Variants in RBFOX1 observed in about 807,000 individuals in gnomAD.
The protein encoded by RBFOX1 is RNA binding protein fox-1 homolog 1.
Under a neutral mutation model 57.7 loss-of-function variants are expected in RBFOX1, and 8 were observed. That is an observed-to-expected ratio of 0.14 (90% CI 0.08 to 0.25). The LOEUF is 0.25. RBFOX1 is among the 10% of genes least tolerant of loss of function. The pLI is 1.00. For missense variants in RBFOX1, 611 were observed against 548.5 expected (o/e 1.11, Z -1.14); for synonymous variants, 326 against 222.4 (o/e 1.47, Z -4.15).
chr16:6,994,914 C>T (rs2092026458), intron 3 of RBFOX1, among the ~76,000 whole-genome samples: 1 of 151,608 alleles, frequency 6.6e-6, no homozygotes, highest in Non-Finnish European at 1.5e-5. Context: ...CAGAACATAT[C>T]CCTGATTGGG....
At chr16:6,802,240 C>A (rs377175803) in intron 3 of RBFOX1, among the ~76,000 whole-genome samples, 3 of 152,080 alleles carry the variant, frequency 2.0e-5, no homozygotes, top group Non-Finnish European at 2.9e-5. Flanking sequence ...TTAACTTAAC[C>A]ACTCAGTCAG....
intron 1 of RBFOX1, among the ~76,000 whole-genome samples, chr16:6,126,647 T>C (rs1459659245): frequency 1.3e-5 from 2 of 152,136 alleles, no homozygotes; most frequent in Admixed American, 1.3e-4. Context: ...TTACTTAATA[T>C]GTATATTCTG....
At chr16:6,390,409 G>A (rs1413118145) in intron 2 of RBFOX1, among the ~76,000 whole-genome samples, 1 of 152,096 alleles carries the variant, frequency 6.6e-6, no homozygotes, top group Non-Finnish European at 1.5e-5. Context: ...CCAATTATTT[G>A]TTAATGCAGG....
chr16:5,806,949 C>G (rs564632642), intron 3 of RBFOX1, among the ~76,000 whole-genome samples: 1 of 152,084 alleles, frequency 6.6e-6, no homozygotes, highest in Non-Finnish European at 1.5e-5. Flanking sequence ...AGCAGGATCT[C>G]CAGGAAGAGA....
At chr16:7,237,643 G>A (rs571133701) in intron 4 of RBFOX1, among the ~76,000 whole-genome samples, 16 of 152,290 alleles carry the variant, frequency 1.1e-4, no homozygotes, top group Admixed American at 2.6e-4. Context: ...CAAGCCAAGC[G>A]TCCATGCACA....
At chr16:5,668,829 AGGT>A (rs1435669511) in intron 3 of RBFOX1, among the ~76,000 whole-genome samples, 3 of 151,976 alleles carry the variant, frequency 2.0e-5, no homozygotes, top group Admixed American at 6.6e-5. Flanking sequence ...GTTGCTGGAG[AGGT>A]GGTGGGTGGA....
chr16:7,224,380 T>C (rs1044567129), intron 4 of RBFOX1, among the ~76,000 whole-genome samples: 34 of 152,364 alleles, frequency 2.2e-4, no homozygotes, highest in African/African-American at 7.9e-4. Context: ...ATTTGAATTC[T>C]GCCCATGCAA....
chr16:6,689,149 A>G (rs1467450667), intron 3 of RBFOX1, among the ~76,000 whole-genome samples: 1 of 152,174 alleles, frequency 6.6e-6, no homozygotes, highest in African/African-American at 2.4e-5. Flanking sequence ...ATGGGTATAT[A>G]CCCAGTAATG....
intron 4 of RBFOX1, among the ~76,000 whole-genome samples, chr16:7,480,074 A>T (rs553983862): frequency 6.6e-6 from 1 of 152,262 alleles, no homozygotes; most frequent in Admixed American, 6.5e-5. Context: ...TGAATGGTCT[A>T]TGTGAGCTGT....
chr16:7,591,918 C>G (rs936790169), intron 7 of RBFOX1, among the ~76,000 whole-genome samples: 1 of 152,194 alleles, frequency 6.6e-6, no homozygotes, highest in Admixed American at 6.5e-5. Context: ...TCAAGGTTGC[C>G]TGGCACCTGT....
At chr16:6,078,493 C>G (rs751919132) in intron 1 of RBFOX1, among the ~76,000 whole-genome samples, 1 of 152,046 alleles carries the variant, frequency 6.6e-6, no homozygotes, top group South Asian at 2.1e-4. Context: ...CGCCGTGGCT[C>G]AGGGAAGCCA....
intron 3 of RBFOX1, among the ~76,000 whole-genome samples, chr16:5,852,972 G>A (rs190492436): frequency 3.2e-4 from 48 of 152,166 alleles, no homozygotes; most frequent in Non-Finnish European, 6.3e-4. Context: ...GAGTTACTTC[G>A]TTCTCTCTGA....
chr16:5,776,185 T>C (rs2151691267), intron 3 of RBFOX1, among the ~76,000 whole-genome samples: 1 of 152,392 alleles, frequency 6.6e-6, no homozygotes, highest in South Asian at 2.1e-4. Flanking sequence ...GTGTGAAGGC[T>C]GTTTGGGTTG....
intron 1 of RBFOX1, among the ~76,000 whole-genome samples, chr16:6,193,410 A>AG (rs1177653020): frequency 3.2e-5 from 3 of 93,416 alleles, no homozygotes; most frequent in Non-Finnish European, 7.0e-5. Flanking sequence ...ATATATATAT[A>AG]TATATATATA....
At chr16:6,589,489 C>T (rs146973093) in intron 2 of RBFOX1, among the ~76,000 whole-genome samples, 1 of 152,256 alleles carries the variant, frequency 6.6e-6, no homozygotes, top group East Asian at 1.9e-4. Context: ...ACCAGATGAG[C>T]CAGTTGATCC....
intron 4 of RBFOX1, among the ~76,000 whole-genome samples, chr16:7,203,035 C>T (rs1165896351): frequency 2.6e-5 from 4 of 152,168 alleles, no homozygotes; most frequent in Non-Finnish European, 4.4e-5. Flanking sequence ...ATCCGCCTGC[C>T]TCGGCCTCCC....
At chr16:5,265,723 C>A (rs576310788) in intron 1 of RBFOX1, among the ~76,000 whole-genome samples, 1 of 152,326 alleles carries the variant, frequency 6.6e-6, no homozygotes, top group Admixed American at 6.5e-5. Flanking sequence ...GGCTTGGCAA[C>A]AGCCTGACTA....
chr16:5,249,765 C>G (rs999370160), intron 1 of RBFOX1, among the ~76,000 whole-genome samples: 5 of 152,190 alleles, frequency 3.3e-5, no homozygotes, highest in East Asian at 1.9e-4. Context: ...TCGAGACCAG[C>G]TTGGCCAAAA....
At chr16:6,752,731 C>G (rs553186525) in intron 3 of RBFOX1, among the ~76,000 whole-genome samples, 1 of 152,260 alleles carries the variant, frequency 6.6e-6, no homozygotes, top group South Asian at 2.1e-4. Context: ...GATTTCAAAA[C>G]TTTCCTATCC....
Sources: allele counts gnomAD v4.1 joint callset (sites outside exome capture counted in the v4.1 genomes callset), GRCh38; gene constraint gnomAD v4.1.1; transcripts MANE v1.5; gene names NCBI Gene and HGNC (gene_info 2026-07-23, HGNC 2026-07-21).